LHFPL3: variants seen among roughly 807,000 people sequenced by gnomAD.
The protein encoded by LHFPL3 is LHFPL tetraspan subfamily member 3 protein.
LHFPL3 carries 5 observed loss-of-function variants against 19.3 expected under a neutral mutation model. That is an observed-to-expected ratio of 0.26 (90% confidence interval 0.14 to 0.54). The LOEUF (loss-of-function observed/expected upper bound fraction) is 0.54. Among genes scored for constraint, LHFPL3 ranks in the 20% least tolerant of loss-of-function variants. The pLI, the probability that LHFPL3 is intolerant of heterozygous loss-of-function variation, is 0.94. For synonymous variants in LHFPL3, 133 were observed against 126.2 expected (o/e 1.05, Z -0.36); for missense variants, 249 against 307.4 (o/e 0.81, Z 1.42).
chr7:104,840,663 C>G (rs1376234050), intron 2 of LHFPL3, among the ~76,000 whole-genome samples: 1 of 151,632 alleles, frequency 6.6e-6, no homozygotes, highest in Non-Finnish European at 1.5e-5. Flanking sequence ...CCCCACTGAA[C>G]ACCAAATATC....
chr7:104,647,175 T>C (rs1030007376), intron 1 of LHFPL3, among the ~76,000 whole-genome samples: 1 of 152,354 alleles, frequency 6.6e-6, no homozygotes. Context: ...CTGAAGCATA[T>C]GAGTTGTTGA....
intron 1 of LHFPL3, among the ~76,000 whole-genome samples, chr7:104,563,699 G>A (rs1324955327): frequency 2.0e-5 from 3 of 152,200 alleles, no homozygotes; most frequent in Non-Finnish European, 2.9e-5. Context: ...GGCCATCTTG[G>A]CTCCTCCGGA....
intron 1 of LHFPL3, among the ~76,000 whole-genome samples, chr7:104,342,599 G>A (rs368766279): frequency 6.6e-6 from 1 of 152,104 alleles, no homozygotes; most frequent in African/African-American, 2.4e-5. Flanking sequence ...TCTCAAGCTG[G>A]TTCCTATTTT....
intron 1 of LHFPL3, among the ~76,000 whole-genome samples, chr7:104,730,380 A>T (rs1793677089): frequency 1.3e-5 from 2 of 152,188 alleles, no homozygotes; most frequent in East Asian, 3.9e-4. Context: ...AAGTGTTCCT[A>T]TTTCCCCACA....
intron 1 of LHFPL3, among the ~76,000 whole-genome samples, chr7:104,514,654 C>T (rs182928176): frequency 6.6e-6 from 1 of 152,176 alleles, no homozygotes; most frequent in East Asian, 1.9e-4. Flanking sequence ...GAGCTGGAAA[C>T]TGGTGTGAAC....
intron 2 of LHFPL3, among the ~76,000 whole-genome samples, chr7:104,759,159 G>A (rs1794333875): frequency 6.6e-6 from 1 of 152,102 alleles, no homozygotes. Context: ...TTTCCTGAAC[G>A]CTGACTTTTT....
intron 1 of LHFPL3, among the ~76,000 whole-genome samples, chr7:104,680,505 A>C (rs1792675279): frequency 6.6e-6 from 1 of 152,138 alleles, no homozygotes; most frequent in Admixed American, 6.5e-5. Context: ...TTTACCGCCC[A>C]AAATATCTCC....
intron 1 of LHFPL3, among the ~76,000 whole-genome samples, chr7:104,500,836 A>G (rs1793586127): frequency 6.6e-6 from 1 of 152,084 alleles, no homozygotes. Context: ...GTCCTCCTTC[A>G]CGTCTCCCAG....
rs147735409 is a variant in LHFPL3, at chr7:104,548,092, GTTATC to G, written c.446-188577_446-188573del. ...TAAAAGCTGGATACATTTTTAAAGTGTTATCTTATCCTGATCAATATTTTTGTCTT... is the reference window on the plus strand; with the variant it reads ...TAAAAGCTGGATACATTTTTAAAGTGTTATCCTGATCAATATTTTTGTCTT... On this transcript the variant is annotated intron_variant, in intron 1 of 2. Coordinates refer to ENST00000424859, the MANE Select transcript of LHFPL3 (RefSeq NM_199000.3). Among the ~76,000 whole-genome samples the G allele has an allele frequency of 6.5e-3, 982 of 152,228 alleles. 11 individuals are homozygous for G. The highest frequency in any genetic ancestry group is 0.023 in the African/African-American group (952 of 41,546).
rs536122769 is a variant in LHFPL3 at position 104,343,512 on chromosome 7, C to CAAAAAAAAAAAAAAAAAAAAAAAAAAAA, written c.445+14300_445+14327dup. 6.3e-5 allele frequency among the ~76,000 whole-genome samples: 3 copies of CAAAAAAAAAAAAAAAAAAAAAAAAAAAA among 47,476 alleles called. 1 individual carries two copies. Among genetic ancestry groups the CAAAAAAAAAAAAAAAAAAAAAAAAAAAA allele is most frequent in the Non-Finnish European group, 1.2e-4 (3 of 24,042 alleles). The allele number at this position is 47,476 out of a possible 152,430, so 31.1% of individuals were successfully genotyped here. ...TGGGCAACAGAGTGAGACTCTGTCT[C>CAAAAAAAAAAAAAAAAAAAAAAAAAAAA]AAAAAAAAAAAAAAAAAAAAAAAAA... On this transcript the variant is annotated intron_variant, in intron 1 of 2. Coordinates refer to ENST00000424859, the MANE Select transcript of LHFPL3 (RefSeq NM_199000.3).
chr7:104,705,411 G>T (rs10269217), intron 1 of LHFPL3, among the ~76,000 whole-genome samples: 53 of 152,144 alleles, frequency 3.5e-4, no homozygotes, highest in Middle Eastern at 3.4e-3. Context: ...ATCATCTTCA[G>T]TTTGAGGTTT....
intron 2 of LHFPL3, among the ~76,000 whole-genome samples, chr7:104,856,233 C>G (rs1791503021): frequency 6.9e-6 from 1 of 144,180 alleles, no homozygotes; most frequent in South Asian, 2.2e-4. Context: ...TGATTCTGTC[C>G]CAGGAAATTT....
intron 2 of LHFPL3, among the ~76,000 whole-genome samples, chr7:104,750,503 C>T (rs1794142750): frequency 6.6e-6 from 1 of 152,216 alleles, no homozygotes; most frequent in Non-Finnish European, 1.5e-5. Context: ...TGAATTTCGC[C>T]TTTATAGTCT....
chr7:104,677,490 C>A (rs1197768791), intron 1 of LHFPL3, among the ~76,000 whole-genome samples: 1 of 152,168 alleles, frequency 6.6e-6, no homozygotes, highest in Non-Finnish European at 1.5e-5. Context: ...ATGTTCATCT[C>A]TGGGTAGTCA....
intron 1 of LHFPL3, among the ~76,000 whole-genome samples, chr7:104,590,528 T>C (rs997293949): frequency 6.6e-6 from 1 of 152,228 alleles, no homozygotes; most frequent in African/African-American, 2.4e-5. Context: ...GTGCTTTACT[T>C]CCAACTATGT....
At chr7:104,720,936 G>A (rs539140036) in intron 1 of LHFPL3, among the ~76,000 whole-genome samples, 2 of 152,294 alleles carry the variant, frequency 1.3e-5, no homozygotes, top group East Asian at 3.9e-4. Flanking sequence ...TTACACTGTT[G>A]GTGGGAGTGT....
At chr7:104,761,397 T>C (rs1402997583) in intron 2 of LHFPL3, among the ~76,000 whole-genome samples, 1 of 151,898 alleles carries the variant, frequency 6.6e-6, no homozygotes, top group African/African-American at 2.4e-5. Flanking sequence ...ATCATAATAA[T>C]CCAATATTAC....
intron 1 of LHFPL3, among the ~76,000 whole-genome samples, chr7:104,430,431 T>TATATACAC (rs1791965350): frequency 2.4e-4 from 3 of 12,432 alleles, no homozygotes; most frequent in African/African-American, 5.2e-4. Flanking sequence ...TATATATATA[T>TATATACAC]ATATATATAT....
intron 1 of LHFPL3, among the ~76,000 whole-genome samples, chr7:104,508,479 G>A (rs1478006898): frequency 2.4e-5 from 3 of 122,936 alleles, no homozygotes; most frequent in East Asian, 2.9e-4. Flanking sequence ...GGAGGGGGGA[G>A]GGATAGCATT....
Sources: gnomAD v4.1 joint callset for allele counts (sites outside exome capture counted in the v4.1 genomes callset) on GRCh38, gnomAD v4.1.1 for gene constraint, MANE v1.5 for transcripts, NCBI Gene and HGNC (gene_info 2026-07-23, HGNC 2026-07-21) for gene names.